ITPK1: variants seen among roughly 807,000 people sequenced by gnomAD.
ITPK1 encodes the protein inositol 1,3,4-trisphosphate 5/6-kinase.
In ITPK1, 21 loss-of-function variants were observed where a neutral mutation model predicts 45.3. The observed-to-expected ratio is 0.46, with a 90% CI of 0.33 to 0.67. The LOEUF is 0.67. Ranked by LOEUF, ITPK1 falls within the 30% of genes least tolerant of loss-of-function variation. ITPK1 has a pLI of 0.02. For missense variants in ITPK1, 474 were observed against 573.5 expected, an observed-to-expected ratio of 0.83 and a Z score of 1.77; for synonymous variants, 258 against 253.6, an observed-to-expected ratio of 1.02 and a Z score of -0.16.
Position 92,938,545 on chromosome 14 carries a change from GTT to G in ITPK1, c.*3014_*3015del. ...CAGTCCCCTGGGTACAGAGAGGAAT[GTT>G]TTTCCCAGGTTGCTTTCTCCTTTAT... On this transcript the variant is annotated 3_prime_UTR_variant, in exon 11 of 11. Coordinates refer to ENST00000267615, the MANE Select transcript of ITPK1 (RefSeq NM_014216.6). The G allele has an allele frequency of 6.2e-7, 1 of 1,608,406 alleles. No homozygotes were observed. Among genetic ancestry groups the G allele is most frequent in the Non-Finnish European group, 8.5e-7 (1 of 1,174,952 alleles).
At chr14:93,114,419 C>A (rs77661613) in intron 2 of ITPK1, among the ~76,000 whole-genome samples, 209 of 152,350 alleles carry the variant, frequency 1.4e-3, no homozygotes, top group African/African-American at 4.7e-3. Flanking sequence ...AGCTGCGGGA[C>A]CCCAAGCTAG....
At position 92,993,110 on chromosome 14, in the gene ITPK1, T is replaced by C. The variant is rs527719354; in HGVS notation, c.364+770A>G. ...AGGCAGCCAGGTTAGGCCTCAATCA[T>C]GGTCTGTAGGGCAGGGAGCAGGGGC... is the stretch of plus-strand genomic sequence containing the variant. On this transcript the variant is annotated intron_variant, in intron 5 of 10. Coordinates refer to ENST00000267615, the MANE Select transcript of ITPK1 (RefSeq NM_014216.6). Among the ~76,000 whole-genome samples the C allele has an allele frequency of 3.9e-5, 6 of 152,324 alleles. No individual in the cohort carries two copies. The South Asian group carries it at 1.0e-3, about 26-fold the overall frequency.
At chr14:92,977,868 G>GA (rs1886028561) in intron 5 of ITPK1, among the ~76,000 whole-genome samples, 1 of 152,000 alleles carries the variant, frequency 6.6e-6, no homozygotes, top group East Asian at 1.9e-4. Flanking sequence ...AACTAATACA[G>GA]AAAAATGGTA....
chr14:93,008,396 A>AGGG (rs1212972041), intron 4 of ITPK1, among the ~76,000 whole-genome samples: 1 of 148,888 alleles, frequency 6.7e-6, no homozygotes, highest in Non-Finnish European at 1.5e-5. Context: ...TTTTAGGAGA[A>AGGG]CTCTGGCAGA....
At chr14:93,038,126 C>T (rs1323915663) in intron 3 of ITPK1, among the ~76,000 whole-genome samples, 1 of 151,732 alleles carries the variant, frequency 6.6e-6, no homozygotes, top group African/African-American at 2.4e-5. Flanking sequence ...AGTCTCAGCT[C>T]ACTGCAACCT....
chr14:93,096,987 C>A (rs778716411), intron 2 of ITPK1, among the ~76,000 whole-genome samples: 4 of 152,152 alleles, frequency 2.6e-5, no homozygotes, highest in Admixed American at 6.5e-5. Context: ...ATACCTGGGT[C>A]GGTAGAGCTG....
intron 2 of ITPK1, among the ~76,000 whole-genome samples, chr14:93,079,014 G>A (rs116012774): frequency 1.2e-3 from 184 of 152,090 alleles, no homozygotes; most frequent in African/African-American, 4.2e-3. Flanking sequence ...GTTTCCCTCT[G>A]AGTCAACCCT....
Position 93,032,884 on chromosome 14 carries a change from AC to A in ITPK1, c.121-16084del, listed in dbSNP as rs1442627305. Among the ~76,000 whole-genome samples, 12 of 152,210 alleles carry A rather than the reference AC, an allele frequency of 7.9e-5. No individual in the cohort carries two copies. Among genetic ancestry groups the A allele is most frequent in the Non-Finnish European group, 1.6e-4 (11 of 68,024 alleles). ...AAGGCCAGCACGGATCGGATCGTGC[AC>A]CCTGCAAAGCCAGCCCTTTTCTCTA... On this transcript the variant is annotated intron_variant, in intron 3 of 10. Coordinates refer to ENST00000267615, the MANE Select transcript of ITPK1 (RefSeq NM_014216.6). The surrounding 1 kb of genome is among the most constrained non-coding windows in gnomAD (Gnocchi z 4.0).
chr14:93,064,270 G>A (rs558543817), intron 3 of ITPK1, among the ~76,000 whole-genome samples: 5 of 152,168 alleles, frequency 3.3e-5, no homozygotes, highest in Non-Finnish European at 7.4e-5. Context: ...GCGACAGAGC[G>A]AGACTCCATC....
At chr14:93,040,214 G>A (rs1889501131) in intron 3 of ITPK1, among the ~76,000 whole-genome samples, 2 of 152,222 alleles carry the variant, frequency 1.3e-5, no homozygotes, top group African/African-American at 4.8e-5. Flanking sequence ...GCCACTTACA[G>A]ACCAGAAAAC....
intron 5 of ITPK1, among the ~76,000 whole-genome samples, chr14:92,965,692 CT>C (rs1328344197): frequency 6.6e-6 from 1 of 152,190 alleles, no homozygotes; most frequent in African/African-American, 2.4e-5. Flanking sequence ...AGCAACTGTA[CT>C]TTTTTAATTT....
rs1166653403 is a variant in ITPK1 at position 92,994,515 on chromosome 14, C to G, written c.247-518G>C. Among the ~76,000 whole-genome samples the G allele has an allele frequency of 3.9e-5, 6 of 152,214 alleles. No individual in the cohort carries two copies. In the East Asian group the frequency reaches 1.2e-3, roughly 29 times the overall value. On this transcript the variant is annotated intron_variant, in intron 4 of 10. Coordinates refer to ENST00000267615, the MANE Select transcript of ITPK1 (RefSeq NM_014216.6). ...CTTTGGGGTAGGCACGAAGGAAATG[C>G]AAGAGAAACCGTGACAAAAACCAGT... is the stretch of plus-strand genomic sequence containing the variant.
chr14:92,944,934 G>A (rs562618830), intron 10 of ITPK1, among the ~76,000 whole-genome samples: 137 of 152,038 alleles, frequency 9.0e-4, no homozygotes, highest in African/African-American at 2.8e-3. Flanking sequence ...GAGCTCCAAC[G>A]TCCTCAGTTC....
chr14:92,953,299 C>T (rs1045601359), intron 8 of ITPK1, among the ~76,000 whole-genome samples: 7 of 152,340 alleles, frequency 4.6e-5, no homozygotes, highest in African/African-American at 1.7e-4. Context: ...CTGGTGTGCC[C>T]GACAGTCCTC....
In ITPK1 at chr14:93,036,106, G is replaced by T. The variant is rs1889305166; in HGVS notation, c.121-19305C>A. On this transcript the variant is annotated intron_variant, in intron 3 of 10. Transcript: ENST00000267615. This position sits in a 1 kb window ranked among gnomAD's most constrained non-coding sequence, Gnocchi z 4.1. ...TCCAAGAAAGGGCTACGAAAGCAATGGTGGCGTCAGTGAGACCTGCCCCTC... is the reference window on the plus strand; with the variant it reads ...TCCAAGAAAGGGCTACGAAAGCAATTGTGGCGTCAGTGAGACCTGCCCCTC... Among the ~76,000 whole-genome samples, 1 of 152,214 alleles carries T rather than the reference G, an allele frequency of 6.6e-6. No individual in the cohort carries two copies.
chr14:93,043,269 G>A (rs777375481), intron 3 of ITPK1, among the ~76,000 whole-genome samples: 3 of 151,858 alleles, frequency 2.0e-5, no homozygotes, highest in Admixed American at 6.6e-5. Context: ...TAAGGAGATC[G>A]GATTGAAATC....
intron 4 of ITPK1, among the ~76,000 whole-genome samples, chr14:92,994,385 GA>G (rs1230165257): frequency 5.3e-5 from 8 of 152,190 alleles, no homozygotes; most frequent in African/African-American, 1.9e-4. Context: ...ATGAGGCCAG[GA>G]GTCATCAGAG....
chr14:93,024,138 G>GT (rs149197450), intron 3 of ITPK1, among the ~76,000 whole-genome samples: 8,509 of 152,278 alleles, frequency 0.056, 445 homozygotes, highest in African/African-American at 0.13. Flanking sequence ...TGACCGCCCT[G>GT]TGTGTGTTGC....
chr14:92,994,322 C>T (rs950978259), intron 4 of ITPK1, among the ~76,000 whole-genome samples: 5 of 152,182 alleles, frequency 3.3e-5, no homozygotes, highest in South Asian at 4.1e-4. Context: ...CTGGGAGTGG[C>T]GGCCCCATGC....
Sources: gnomAD v4.1 joint callset for allele counts (sites outside exome capture counted in the v4.1 genomes callset) on GRCh38, gnomAD v4.1.1 for gene constraint, Gnocchi (gnomAD v3.1) non-coding constraint, MANE v1.5 for transcripts, NCBI Gene and HGNC (gene_info 2026-07-23, HGNC 2026-07-21) for gene names.